The following CCDC57 variants were observed in gnomAD, a reference collection of about 807,000 sequenced individuals.
CCDC57 encodes coiled-coil domain containing 57.
In CCDC57, 118 loss-of-function variants were observed where a neutral mutation model predicts 118.9. The ratio of observed to expected loss-of-function variants is 0.99; its 90% CI spans 0.86 to 1.16. The LOEUF is 1.16. CCDC57 is among the 50% of genes most tolerant of loss of function. The pLI, the probability that CCDC57 is intolerant of heterozygous loss-of-function variation, is 0.00. For missense variants in CCDC57, 1,300 were observed against 1,320.7 expected (o/e 0.98, Z 0.24); for synonymous variants, 527 against 532.9 (o/e 0.99, Z 0.15).
exon 7 of CCDC57, chr17:82,193,766 A>G: frequency 6.3e-7 from 1 of 1,598,214 alleles, no homozygotes; most frequent in Non-Finnish European, 8.5e-7. Flanking sequence ...TTCCTCTTAA[A>G]TGTTTCCTCT....
rs112283116 is a variant in CCDC57 at position 82,123,112 on chromosome 17, C to G, written c.2899+4580G>C. 1.9e-4 allele frequency among the ~76,000 whole-genome samples: 29 copies of G among 149,466 alleles called. 2 individuals carry two copies. The highest frequency in any genetic ancestry group is 6.9e-4 in the African/African-American group (28 of 40,428). ...ACTGCACAGTTTAACCACTCCTTCC[C>G]TCCTAATAACTTTTTTTTTTTTTTT... On this transcript the variant is annotated intron_variant, in intron 19 of 19. Transcript: ENST00000665763.
intron 16 of CCDC57, among the ~76,000 whole-genome samples, chr17:82,148,559 A>G (rs1431843883): frequency 2.1e-4 from 5 of 24,268 alleles, no homozygotes; most frequent in Admixed American, 5.9e-4. Context: ...ATGGATGGAT[A>G]GATAGGTGGG....
intron 10 of CCDC57, 147 bp from the exon 10 acceptor site, chr17:82,178,752 G>T: frequency 8.1e-7 from 1 of 1,242,124 alleles, no homozygotes; most frequent in Non-Finnish European, 1.1e-6. Context: ...TCCTGCCCAT[G>T]CATACCCCAG....
chr17:82,194,856 C>A, intron 5 of CCDC57, among the ~76,000 whole-genome samples: 1 of 152,286 alleles, frequency 6.6e-6, no homozygotes, highest in South Asian at 2.1e-4. Flanking sequence ...TGTTTCCCAG[C>A]CTGTAAGCCA....
intron 16 of CCDC57, among the ~76,000 whole-genome samples, chr17:82,136,341 T>C (rs2039170170): frequency 6.6e-6 from 1 of 151,914 alleles, no homozygotes; most frequent in Non-Finnish European, 1.5e-5. Flanking sequence ...AAGGGACACA[T>C]CCTGTGGGAT....
intron 16 of CCDC57, among the ~76,000 whole-genome samples, chr17:82,138,997 T>G (rs1226800746): frequency 6.6e-6 from 1 of 152,216 alleles, no homozygotes; most frequent in African/African-American, 2.4e-5. Flanking sequence ...GCTGTGTTAC[T>G]AGGCAGACGG....
intron 19 of CCDC57, among the ~76,000 whole-genome samples, chr17:82,111,426 T>C (rs2035235122): frequency 6.7e-6 from 1 of 148,464 alleles, no homozygotes; most frequent in Admixed American, 6.7e-5. Context: ...TCGCTCAGGT[T>C]GGAGCGCAGT....
exon 16 of CCDC57, chr17:82,151,566 G>A (rs370994979): frequency 6.5e-7 from 1 of 1,550,182 alleles, no homozygotes; most frequent in Admixed American, 2.0e-5. Context: ...TCACTTTCGG[G>A]TCGGCCCAGC....
chr17:82,151,568 C>G (rs117399102), exon 16 of CCDC57: 8 of 1,550,094 alleles, frequency 5.2e-6, no homozygotes, highest in Non-Finnish European at 3.5e-6. Flanking sequence ...ACTTTCGGGT[C>G]GGCCCAGCTC....
chr17:82,198,526 A>G (rs2048570579), intron 3 of CCDC57, 104 bp from the exon 3 acceptor site: 4 of 787,744 alleles, frequency 5.1e-6, no homozygotes, highest in African/African-American at 1.7e-5. Flanking sequence ...CTTTGCTTTT[A>G]TGAAGGGGTG....
At chr17:82,177,464 C>G (rs7213450) in intron 11 of CCDC57, among the ~76,000 whole-genome samples, 109,616 of 152,040 alleles carry the variant, frequency 0.72, 40,064 homozygotes, top group East Asian at 0.95. Flanking sequence ...AGGATTGCTT[C>G]AGCCTAGGGG....
intron 19 of CCDC57, among the ~76,000 whole-genome samples, chr17:82,119,501 G>A (rs570489670): frequency 3.0e-4 from 45 of 152,138 alleles, no homozygotes; most frequent in African/African-American, 1.1e-3. Context: ...GAGACATTCT[G>A]AAGCAGACCG....
At chr17:82,171,950 G>A in intron 12 of CCDC57, 97 bp from the exon 12 acceptor site, 3 of 1,313,578 alleles carry the variant, frequency 2.3e-6, no homozygotes, top group South Asian at 2.6e-5. Flanking sequence ...GCCAGCTCAT[G>A]CCCGCCAGCT....
At chr17:82,187,128 T>C (rs1432660852) in intron 8 of CCDC57, among the ~76,000 whole-genome samples, 2 of 150,482 alleles carry the variant, frequency 1.3e-5, no homozygotes. Flanking sequence ...TGCCAGCTAC[T>C]TGGGAGGCTG....
intron 15 of CCDC57, chr17:82,153,492 C>T (rs962164674): frequency 6.6e-5 from 10 of 152,180 alleles, no homozygotes; most frequent in Non-Finnish European, 1.3e-4. Flanking sequence ...TGCTGTTGAC[C>T]CCACAGGCAA....
chr17:82,152,828 A>G (rs1430374999), intron 15 of CCDC57, among the ~76,000 whole-genome samples: 1 of 152,198 alleles, frequency 6.6e-6, no homozygotes, highest in Non-Finnish European at 1.5e-5. Flanking sequence ...TGTTCTTTGG[A>G]TGGCCTGGGG....
At chr17:82,189,014 C>T (rs1270767766) in intron 7 of CCDC57, among the ~76,000 whole-genome samples, 1 of 152,182 alleles carries the variant, frequency 6.6e-6, no homozygotes, top group Non-Finnish European at 1.5e-5. Flanking sequence ...TGCCTGTAAC[C>T]GAAGCACTTT....
intron 8 of CCDC57, 69 bp from the exon 8 acceptor site, chr17:82,184,001 C>T: frequency 1.5e-6 from 2 of 1,317,134 alleles, no homozygotes; most frequent in Non-Finnish European, 1.1e-6. Flanking sequence ...CACAGCACCC[C>T]CCAGCAAATA....
Position 82,201,963 on chromosome 17 carries a change from G to A in CCDC57, c.-8-11C>T. The stretch of plus-strand genomic sequence containing the variant: ...GCAGCATGGTGGCCGCTGCAGTAAA[G>A]AGAAATCAGGTTCAGGGTGCACCGT... On this transcript the variant is annotated splice_polypyrimidine_tract_variant and intron_variant, in intron 2 of 19. Transcript: ENST00000665763. 6.4e-7 allele frequency: 1 copy of A among 1,571,624 alleles called. No homozygotes were observed. The highest frequency in any genetic ancestry group is 8.6e-7 in the Non-Finnish European group (1 of 1,158,276).
Sources: gnomAD v4.1 joint callset for allele counts (sites outside exome capture counted in the v4.1 genomes callset) on GRCh38, gnomAD v4.1.1 for gene constraint, MANE v1.5 for transcripts, NCBI Gene and HGNC (gene_info 2026-07-23, HGNC 2026-07-21) for gene names.